The following NTS variants were observed in gnomAD, a reference collection of about 807,000 sequenced individuals.
NTS encodes neurotensin.
Under a neutral mutation model 19.5 loss-of-function variants are expected in NTS, and 20 were observed. That is an observed-to-expected ratio of 1.02 (90% CI 0.72 to 1.49). The LOEUF is 1.49. Among genes scored for constraint, NTS ranks in the 40% most tolerant of loss-of-function variants. The pLI, the probability that NTS is intolerant of heterozygous loss-of-function variation, is 0.00. For synonymous variants in NTS, 71 were observed against 63.3 expected, an observed-to-expected ratio of 1.12 and a Z score of -0.58; for missense variants, 215 against 193.1, an observed-to-expected ratio of 1.11 and a Z score of -0.67.
intron 1 of NTS, 113 bp from the exon 2 acceptor site, chr12:85,876,527 A>G (rs1478498350): frequency 2.0e-6 from 1 of 511,186 alleles, no homozygotes; most frequent in Non-Finnish European, 3.3e-6. Context: ...AAGAAAATAC[A>G]TAAGAAAGAC....
In NTS at chr12:85,882,249, T is replaced by C. The variant is rs1465504319; in HGVS notation, c.387T>C (p.Thr129=). ...TAATCCAGGAAGATATTCTTGATAC[T>C]GGAAATGACAAAAATGGAAAGGAAG... ...WELIQEDILD[T]GNDKNGKEEV... is the part of the protein sequence containing the mutation. The change falls in exon 4 of 4, where the codon ACT becomes ACC. Residue 129 remains threonine (T), a synonymous_variant. Coordinates refer to ENST00000256010, the MANE Select transcript of NTS (RefSeq NM_006183.5). 4 of 1,601,728 alleles carry C rather than the reference T, an allele frequency of 2.5e-6. No homozygotes were observed. The highest frequency in any genetic ancestry group is 3.4e-6 in the Non-Finnish European group (4 of 1,174,990).
At position 85,882,490 on chromosome 12, in the gene NTS, G is replaced by A; in HGVS notation, c.*115G>A. The A allele has an allele frequency of 1.2e-6, 1 of 844,708 alleles. No individual in the cohort carries two copies. Among genetic ancestry groups the A allele is most frequent in the Non-Finnish European group, 1.8e-6 (1 of 553,228 alleles). 52.3% of individuals were successfully genotyped at this position (844,708 alleles called of 1,614,324 possible). A position where few individuals can be genotyped will look rare whatever the true frequency, so the allele number is the denominator to read the frequency against. ...ACTTATCTGTCTCTTCTACAATTGT[G>A]GTTTATTGAATGTGATTTTTCTGCA... On this transcript the variant is annotated 3_prime_UTR_variant, in exon 4 of 4. Transcript: ENST00000256010.
At chr12:85,875,551 T>G (rs550707261) in intron 1 of NTS, among the ~76,000 whole-genome samples, 1 of 152,190 alleles carries the variant, frequency 6.6e-6, no homozygotes, top group Non-Finnish European at 1.5e-5. Flanking sequence ...CAGCTTCTAC[T>G]TTTTAAATCT....
Position 85,879,513 on chromosome 12 carries a change from T to TA in NTS, c.360+944_360+945insA, listed in dbSNP as rs1881443575. Among the ~76,000 whole-genome samples the TA allele has an allele frequency of 2.3e-4, 26 of 114,150 alleles. 12 individuals carry two copies. Among genetic ancestry groups the TA allele is most frequent in the African/African-American group, 8.2e-4 (26 of 31,894 alleles). 74.9% of individuals were successfully genotyped at this position (114,150 alleles called of 152,430 possible). A position where few individuals can be genotyped will look rare whatever the true frequency, so the allele number is the denominator to read the frequency against. On this transcript the variant is annotated intron_variant, in intron 3 of 3. Transcript: ENST00000256010. The stretch of plus-strand genomic sequence containing the variant: ...TATTTTATGTATATAAAATATATTT[T>TA]TTGTATATTTTATGTATATAAAATA...
intron 3 of NTS, among the ~76,000 whole-genome samples, chr12:85,879,531 A>G (rs1290144737): frequency 8.7e-6 from 1 of 114,806 alleles, no homozygotes; most frequent in Non-Finnish European, 1.7e-5. Context: ...TTTTATGTAT[A>G]TAAAATATAT....
Position 85,882,434 on chromosome 12 carries a change from AATTAT to A in NTS, c.*63_*67del. The A allele has an allele frequency of 7.9e-7, 1 of 1,273,780 alleles. No homozygotes were observed. The highest frequency in any genetic ancestry group is 2.5e-5 in the East Asian group (1 of 40,258). 78.9% of individuals were successfully genotyped at this position (1,273,780 alleles called of 1,614,324 possible). A position where few individuals can be genotyped will look rare whatever the true frequency, so the allele number is the denominator to read the frequency against. On this transcript the variant is annotated 3_prime_UTR_variant, in exon 4 of 4. Transcript: ENST00000256010. ...TTCATCATCCCTTAATTAAATATCA[AATTAT>A]ATTTGTGTGAAAATGTGACAAACAC...
At chr12:85,880,041 G>T (rs1026751241) in intron 3 of NTS, among the ~76,000 whole-genome samples, 1 of 149,736 alleles carries the variant, frequency 6.7e-6, no homozygotes, top group African/African-American at 2.4e-5. Context: ...GTTTTATCTG[G>T]AACCTTTTGT....
chr12:85,881,187 C>T (rs1881495211), intron 3 of NTS, among the ~76,000 whole-genome samples: 1 of 152,124 alleles, frequency 6.6e-6, no homozygotes, highest in East Asian at 1.9e-4. Context: ...CACAAAAAAA[C>T]TAAAGATTAA....
At position 85,882,383 on chromosome 12, in the gene NTS, A is replaced by T. The variant is rs899764452; in HGVS notation, c.*8A>T. 2 of 1,533,804 alleles carry T rather than the reference A, an allele frequency of 1.3e-6. No homozygotes were observed. The highest frequency in any genetic ancestry group is 2.8e-5 in the African/African-American group (2 of 70,892). ...GATTCTTACTATTACTGAGAGAATA[A>T]ATCATTTATTTACATGTGATTGTGA... is the stretch of plus-strand genomic sequence containing the variant. On this transcript the variant is annotated 3_prime_UTR_variant, in exon 4 of 4. Transcript: ENST00000256010.
intron 1 of NTS, among the ~76,000 whole-genome samples, chr12:85,875,490 T>A (rs1447359998): frequency 6.6e-6 from 1 of 152,146 alleles, no homozygotes; most frequent in Non-Finnish European, 1.5e-5. Context: ...AAGATATAAA[T>A]GTGATTTATA....
chr12:85,877,776 A>G (rs1014618739), intron 2 of NTS, among the ~76,000 whole-genome samples: 2 of 152,080 alleles, frequency 1.3e-5, no homozygotes, highest in Non-Finnish European at 2.9e-5. Context: ...TGAAGTTAAT[A>G]GTCCGTGTTA....
intron 3 of NTS, among the ~76,000 whole-genome samples, chr12:85,881,668 C>T (rs901151687): frequency 7.2e-5 from 11 of 152,110 alleles, no homozygotes; most frequent in Non-Finnish European, 1.5e-4. Context: ...ATTTCTACAA[C>T]TGACGAAGTT....
chr12:85,876,660 G>C lies in NTS; in HGVS notation c.94G>C (p.Ala32Pro), dbSNP rs776162417. 3.1e-6 allele frequency: 5 copies of C among 1,591,632 alleles called. No homozygotes were observed. The highest frequency in any genetic ancestry group is 4.3e-6 in the Non-Finnish European group (5 of 1,166,624). ...CTCAGATTCAGAAGAGGAAATGAAAGCATTAGAAGCAGATTTCTTGACCAA... is the reference window on the plus strand; with the variant it reads ...CTCAGATTCAGAAGAGGAAATGAAACCATTAGAAGCAGATTTCTTGACCAA... ...LCSDSEEEMK[A>P]LEADFLTNMH... Residue 32 changes from alanine (A) to proline (P), a missense_variant, in exon 2 of 4, where the codon GCA becomes CCA. Physicochemically the swap from Ala to Pro is conservative, Grantham distance 27. Transcript: ENST00000256010.
intron 3 of NTS, among the ~76,000 whole-genome samples, chr12:85,880,457 G>T (rs1370647622): frequency 6.6e-6 from 1 of 151,982 alleles, no homozygotes; most frequent in African/African-American, 2.4e-5. Context: ...GGGATCTGAG[G>T]GTGTCTTCCC....
chr12:85,876,905 A>C (rs774022707), intron 2 of NTS, among the ~76,000 whole-genome samples: 2 of 152,210 alleles, frequency 1.3e-5, no homozygotes, highest in Admixed American at 1.3e-4. Context: ...TAATTCTATC[A>C]ATCAGCATGT....
Position 85,877,719 on chromosome 12 carries a change from A to G in NTS, c.136-626A>G, listed in dbSNP as rs187202965. 6.2e-3 allele frequency among the ~76,000 whole-genome samples: 946 copies of G among 152,188 alleles called. 11 individuals are homozygous for G. Among genetic ancestry groups the G allele is most frequent in the African/African-American group, 0.021 (877 of 41,538 alleles). On this transcript the variant is annotated intron_variant, in intron 2 of 3. Transcript: ENST00000256010. ...ATGTGTTCTCATTGTTTAGTACTCA[A>G]TCAGAATACCAATGGCTACAACCTC...
At position 85,876,271 on chromosome 12, in the gene NTS, A is replaced by G. The variant is rs149868419; in HGVS notation, c.74-369A>G. Among the ~76,000 whole-genome samples, 193 of 151,998 alleles carry G rather than the reference A, an allele frequency of 1.3e-3. 5 individuals carry two copies. In the East Asian group the frequency reaches 0.028, roughly 22 times the overall value. ...GTTGTGTTTTTAAATGTTAATATGC[A>G]TATTTTCTATATATGTAAACTGTGG... On this transcript the variant is annotated intron_variant, in intron 1 of 3. Coordinates refer to ENST00000256010, the MANE Select transcript of NTS (RefSeq NM_006183.5).
intron 3 of NTS, among the ~76,000 whole-genome samples, chr12:85,879,543 T>G (rs1881445843): frequency 8.7e-6 from 1 of 115,386 alleles, no homozygotes; most frequent in African/African-American, 3.4e-5. Context: ...AAAATATATT[T>G]TTTGTATATT....
intron 3 of NTS, among the ~76,000 whole-genome samples, chr12:85,879,129 T>C (rs1881420282): frequency 6.9e-6 from 1 of 145,926 alleles, no homozygotes; most frequent in African/African-American, 2.5e-5. Context: ...TATTTTTATG[T>C]ATATTTTATG....
Sources: allele counts gnomAD v4.1 joint callset (sites outside exome capture counted in the v4.1 genomes callset), GRCh38; gene constraint gnomAD v4.1.1; transcripts MANE v1.5; gene names NCBI Gene and HGNC (gene_info 2026-07-23, HGNC 2026-07-21).